IPMK: variants seen among roughly 807,000 people sequenced by gnomAD.
The protein encoded by IPMK is inositol polyphosphate multikinase, also known as inositol 1,3,4,6-tetrakisphosphate 5-kinase.
A neutral mutation model predicts 45.8 loss-of-function variants in IPMK; 17 were observed. The observed-to-expected ratio is 0.37, with a 90% CI of 0.25 to 0.56. The LOEUF (loss-of-function observed/expected upper bound fraction) is 0.56, where lower values mean the gene tolerates loss of function less well. Ranked by LOEUF, IPMK falls within the 20% of genes least tolerant of loss-of-function variation. The probability of loss-of-function intolerance (pLI) is 0.79; values close to 1 mark genes in which losing one functional copy is unlikely to be tolerated. For synonymous variants in IPMK, 180 were observed against 184.3 expected (o/e 0.98, Z 0.19); for missense variants, 399 against 498.0 (o/e 0.80, Z 1.89).
chr10:58,194,847 G>A lies in IPMK; in HGVS notation c.*1229C>T, dbSNP rs1424361221. On this transcript the variant is annotated 3_prime_UTR_variant, in exon 6 of 6. Coordinates refer to ENST00000373935, the MANE Select transcript of IPMK (RefSeq NM_152230.5). ...AAATGTTTTAAATGACAAATAACTA[G>A]TTGATTTTTTTTTAAGGTGGTGGGT... The A allele has an allele frequency of 6.6e-6, 1 of 151,876 alleles. No individual in the cohort carries two copies. The highest frequency in any genetic ancestry group is 1.5e-5 in the Non-Finnish European group (1 of 67,798). The allele number at this position is 151,876 out of a possible 1,614,324, so 9.4% of individuals were successfully genotyped here.
intron 4 of IPMK, among the ~76,000 whole-genome samples, chr10:58,209,660 G>C (rs1367310902): frequency 6.6e-6 from 1 of 152,228 alleles, no homozygotes; most frequent in African/African-American, 2.4e-5. Context: ...GCAGGGGAGT[G>C]AGGTAGACTC....
chr10:58,233,253 C>A (rs560360363), intron 2 of IPMK, among the ~76,000 whole-genome samples: 1 of 152,230 alleles, frequency 6.6e-6, no homozygotes, highest in Admixed American at 6.5e-5. Flanking sequence ...CAAAGAGGAG[C>A]TGGTACCATT....
chr10:58,232,712 C>A lies in IPMK; in HGVS notation c.276+5017G>T, dbSNP rs551418077. Among the ~76,000 whole-genome samples the A allele has an allele frequency of 5.9e-5, 9 of 152,196 alleles. No homozygotes were observed. In the East Asian group the frequency reaches 1.7e-3, roughly 29 times the overall value. ...AGAGGGAAATTTATAGCAATAAATG[C>A]CCACAAGAGAAAGCAGGAAAGATCT... On this transcript the variant is annotated intron_variant, in intron 2 of 5. Transcript: ENST00000373935.
At chr10:58,249,392 T>C (rs953134059) in intron 1 of IPMK, among the ~76,000 whole-genome samples, 2 of 152,190 alleles carry the variant, frequency 1.3e-5, no homozygotes, top group Non-Finnish European at 2.9e-5. Context: ...TTTGACGTTT[T>C]AATAATAGCC....
At chr10:58,201,663 A>G (rs560839879) in intron 4 of IPMK, among the ~76,000 whole-genome samples, 8 of 152,318 alleles carry the variant, frequency 5.3e-5, no homozygotes, top group African/African-American at 1.9e-4. Context: ...GTTCAATGAA[A>G]GGAAATGTCA....
At chr10:58,257,537 A>G (rs537756047) in intron 1 of IPMK, among the ~76,000 whole-genome samples, 69 of 152,246 alleles carry the variant, frequency 4.5e-4, no homozygotes, top group African/African-American at 1.6e-3. Flanking sequence ...TAAGATAAAG[A>G]ACATTTTTAA....
chr10:58,258,262 A>C (rs1371460968), intron 1 of IPMK, among the ~76,000 whole-genome samples: 2 of 152,182 alleles, frequency 1.3e-5, no homozygotes, highest in Non-Finnish European at 2.9e-5. Flanking sequence ...GTGAGCCAAG[A>C]CTATGCCACT....
At chr10:58,216,121 T>C (rs778457088) in intron 4 of IPMK, 24 bp downstream of exon 4, 53 of 1,479,484 alleles carry the variant, frequency 3.6e-5, no homozygotes, top group Admixed American at 6.7e-5. Context: ...GAAATGTGCA[T>C]ATTATACTAA....
intron 4 of IPMK, chr10:58,212,761 A>T: frequency 4.5e-6 from 1 of 223,456 alleles, no homozygotes. Context: ...GTAATCTTTG[A>T]TGTAGTTCTT....
chr10:58,199,795 T>C (rs1028674403), intron 4 of IPMK, among the ~76,000 whole-genome samples: 2 of 152,102 alleles, frequency 1.3e-5, no homozygotes, highest in African/African-American at 4.8e-5. Context: ...AAGATAATAG[T>C]TGTACACTGG....
At chr10:58,263,777 T>C (rs1355779697) in intron 1 of IPMK, among the ~76,000 whole-genome samples, 5 of 152,220 alleles carry the variant, frequency 3.3e-5, no homozygotes, top group African/African-American at 7.2e-5. Flanking sequence ...GCAGCTATTG[T>C]TGGCCTCCAC....
In IPMK at chr10:58,197,322, A is replaced by AATAAATACATACATACATAC. The variant is rs1554822216; in HGVS notation, c.629-625_629-624insGTATGTATGTATGTATTTAT. ...TCAAAAATAAATAAATAAATAAATA[A>AATAAATACATACATACATAC]ATAAATACATAAATACATAAACACA... On this transcript the variant is annotated intron_variant, in intron 5 of 5. Coordinates refer to ENST00000373935, the MANE Select transcript of IPMK (RefSeq NM_152230.5). Among the ~76,000 whole-genome samples, 199 of 110,094 alleles carry AATAAATACATACATACATAC rather than the reference A, an allele frequency of 1.8e-3. 5 individuals carry two copies. The highest frequency in any genetic ancestry group is 7.2e-3 in the African/African-American group (186 of 25,748). 72.2% of individuals were successfully genotyped at this position (110,094 alleles called of 152,430 possible). A position where few individuals can be genotyped will look rare whatever the true frequency, so the allele number is the denominator to read the frequency against.
intron 2 of IPMK, among the ~76,000 whole-genome samples, chr10:58,231,678 C>T (rs1313517792): frequency 1.3e-5 from 2 of 152,146 alleles, no homozygotes; most frequent in Admixed American, 6.5e-5. Context: ...CTCAAGGAAG[C>T]ACTAAACATG....
chr10:58,237,006 G>C (rs1222269973), intron 2 of IPMK, among the ~76,000 whole-genome samples: 1 of 152,186 alleles, frequency 6.6e-6, no homozygotes, highest in Non-Finnish European at 1.5e-5. Flanking sequence ...AGCCTGGGAG[G>C]CAGAGGTTGC....
chr10:58,213,058 G>A (rs1395843206), intron 4 of IPMK: 8 of 153,718 alleles, frequency 5.2e-5, no homozygotes, highest in Middle Eastern at 1.2e-3. Context: ...AAGGGAGACA[G>A]AGGACAGTGG....
chr10:58,207,954 T>C (rs1838095899), intron 4 of IPMK, among the ~76,000 whole-genome samples: 1 of 152,174 alleles, frequency 6.6e-6, no homozygotes, highest in African/African-American at 2.4e-5. Flanking sequence ...ATTTTTCTTT[T>C]TTTTTAGATG....
intron 1 of IPMK, among the ~76,000 whole-genome samples, chr10:58,247,486 TGAG>T (rs1281830634): frequency 6.6e-6 from 1 of 151,726 alleles, no homozygotes; most frequent in Non-Finnish European, 1.5e-5. Flanking sequence ...TAAAAAATGA[TGAG>T]TTCATGTCCT....
chr10:58,230,832 G>A (rs535014293), intron 2 of IPMK, among the ~76,000 whole-genome samples: 69 of 152,314 alleles, frequency 4.5e-4, no homozygotes, highest in African/African-American at 1.3e-3. Context: ...TGACTTTGAC[G>A]AGTTGATAGA....
chr10:58,211,901 CAAAAAAAA>C (rs753050298), intron 4 of IPMK, among the ~76,000 whole-genome samples: 17 of 50,392 alleles, frequency 3.4e-4, no homozygotes, highest in Admixed American at 1.2e-3. Context: ...GACATCTCAC[CAAAAAAAA>C]AAAAAAAAAA....
Sources: allele counts gnomAD v4.1 joint callset (sites outside exome capture counted in the v4.1 genomes callset), GRCh38; gene constraint gnomAD v4.1.1; transcripts MANE v1.5; gene names NCBI Gene and HGNC (gene_info 2026-07-23, HGNC 2026-07-21).